Variants in PCDH15 observed in about 807,000 individuals in gnomAD.
PCDH15 encodes protocadherin related 15.
A neutral mutation model predicts 178.5 loss-of-function variants in PCDH15; 129 were observed. The ratio of observed to expected loss-of-function variants is 0.72; its 90% CI spans 0.63 to 0.84. The LOEUF (loss-of-function observed/expected upper bound fraction) is 0.84, where lower values mean the gene tolerates loss of function less well. Ranked by LOEUF, PCDH15 falls within the 40% of genes least tolerant of loss-of-function variation. The probability of loss-of-function intolerance (pLI) is 0.00; values close to 1 mark genes in which losing one functional copy is unlikely to be tolerated. For synonymous variants in PCDH15, 800 were observed against 732.0 expected (o/e 1.09, Z -1.50); for missense variants, 2,230 against 2,099.9 (o/e 1.06, Z -1.21).
At chr10:54,995,441 A>G (rs1216971205) in intron 2 of PCDH15, among the ~76,000 whole-genome samples, 1 of 152,026 alleles carries the variant, frequency 6.6e-6, no homozygotes, top group African/African-American at 2.4e-5. Flanking sequence ...AGAATATCAT[A>G]AAATCATCAT....
intron 2 of PCDH15, among the ~76,000 whole-genome samples, chr10:54,647,946 A>C (rs1283348038): frequency 1.3e-5 from 2 of 152,150 alleles, no homozygotes; most frequent in Non-Finnish European, 2.9e-5. Context: ...AATAAAAAAC[A>C]CTTGGTATCA....
chr10:54,445,420 T>C (rs2076086668), intron 3 of PCDH15, among the ~76,000 whole-genome samples: 1 of 151,584 alleles, frequency 6.6e-6, no homozygotes, highest in Non-Finnish European at 1.5e-5. Context: ...TTTCCACTTA[T>C]GAGCTTGCTA....
At chr10:54,158,444 C>A (rs2045378545) in intron 13 of PCDH15, among the ~76,000 whole-genome samples, 1 of 152,158 alleles carries the variant, frequency 6.6e-6, no homozygotes, top group Admixed American at 6.5e-5. Context: ...CCCACCAGAT[C>A]CCTCCCACAA....
At chr10:54,467,683 A>G (rs1402152107) in intron 3 of PCDH15, among the ~76,000 whole-genome samples, 1 of 148,086 alleles carries the variant, frequency 6.8e-6, no homozygotes, top group African/African-American at 2.5e-5. Context: ...CTGGCCTCAC[A>G]AAATAAATTG....
rs568190602 is a variant in PCDH15, at chr10:53,956,133, T to A, written c.3122+3599A>T. 1.5e-4 allele frequency among the ~76,000 whole-genome samples: 23 copies of A among 152,312 alleles called. No homozygotes were observed. The East Asian group carries it at 3.7e-3, about 24-fold the overall frequency. On this transcript the variant is annotated intron_variant, in intron 23 of 37. Coordinates refer to ENST00000644397, the MANE Select transcript of PCDH15 (RefSeq NM_001384140.1). ...TAGTTGTTGGAAACTAATAAAATGTTGAACAACTTATATTAGTTGAAACAA... is the reference window on the plus strand; with the variant it reads ...TAGTTGTTGGAAACTAATAAAATGTAGAACAACTTATATTAGTTGAAACAA...
intron 2 of PCDH15, among the ~76,000 whole-genome samples, chr10:55,554,862 T>C (rs1216525354): frequency 6.6e-6 from 1 of 152,094 alleles, no homozygotes; most frequent in Non-Finnish European, 1.5e-5. Flanking sequence ...TAAGCTCTTC[T>C]TGGCATTCCT....
intron 3 of PCDH15, among the ~76,000 whole-genome samples, chr10:54,389,415 T>C (rs1950274576): frequency 6.6e-6 from 1 of 152,172 alleles, no homozygotes; most frequent in Admixed American, 6.5e-5. Flanking sequence ...GAATTATAAC[T>C]TATGATTTAG....
At chr10:54,308,044 G>A (rs2060661347) in intron 8 of PCDH15, among the ~76,000 whole-genome samples, 1 of 151,978 alleles carries the variant, frequency 6.6e-6, no homozygotes, top group Admixed American at 6.6e-5. Flanking sequence ...TCATTTTGTG[G>A]ATGACAAGTT....
intron 1 of PCDH15, among the ~76,000 whole-genome samples, chr10:54,790,192 T>C (rs1265482972): frequency 6.6e-6 from 1 of 151,818 alleles, no homozygotes; most frequent in East Asian, 1.9e-4. Flanking sequence ...AGGCCAATTC[T>C]TTGCTTGAGT....
chr10:54,346,016 G>C (rs1588949666), intron 6 of PCDH15, among the ~76,000 whole-genome samples: 2 of 151,808 alleles, frequency 1.3e-5, no homozygotes, highest in South Asian at 4.2e-4. Context: ...CAACAATATT[G>C]GTATTAATTT....
At chr10:54,715,725 A>G (rs1264045075) in intron 1 of PCDH15, among the ~76,000 whole-genome samples, 2 of 152,056 alleles carry the variant, frequency 1.3e-5, no homozygotes, top group East Asian at 3.9e-4. Flanking sequence ...CGTCACACTC[A>G]GACATACCTC....
At chr10:54,654,317 G>A (rs1368741659) in intron 2 of PCDH15, among the ~76,000 whole-genome samples, 1 of 152,146 alleles carries the variant, frequency 6.6e-6, no homozygotes, top group Non-Finnish European at 1.5e-5. Context: ...AAAAATAAAT[G>A]AGAGTGGGGA....
intron 1 of PCDH15, among the ~76,000 whole-genome samples, chr10:54,721,248 C>A (rs1941548751): frequency 6.6e-6 from 1 of 151,702 alleles, no homozygotes; most frequent in African/African-American, 2.4e-5. Flanking sequence ...GTACTAAAGG[C>A]AAAGTTTATA....
At position 55,471,018 on chromosome 10, in the gene PCDH15, T is replaced by C. The variant is rs1260847595; in HGVS notation, c.-156+156607A>G. On this transcript the variant is annotated intron_variant, in intron 2 of 5. Transcript: ENST00000613346. The stretch of plus-strand genomic sequence containing the variant: ...CTAATTTGTTTTTAATGCTGAATAA[T>C]ATTCTGTTATATGGATATACCACAG... Among the ~76,000 whole-genome samples, 5 of 152,300 alleles carry C rather than the reference T, an allele frequency of 3.3e-5. No individual in the cohort carries two copies. In the East Asian group the frequency reaches 9.7e-4, roughly 29 times the overall value.
At chr10:55,484,205 G>C (rs1028829338) in intron 2 of PCDH15, among the ~76,000 whole-genome samples, 2 of 151,536 alleles carry the variant, frequency 1.3e-5, no homozygotes, top group African/African-American at 4.8e-5. Flanking sequence ...GTTAATACCT[G>C]GTTAGTAAGA....
chr10:55,613,110 C>A (rs185259077), intron 2 of PCDH15, among the ~76,000 whole-genome samples: 2 of 149,398 alleles, frequency 1.3e-5, no homozygotes. Context: ...TGCAAGCTCT[C>A]CCCAGATCTT....
intron 1 of PCDH15, among the ~76,000 whole-genome samples, chr10:54,745,050 T>C (rs1945276832): frequency 1.3e-5 from 2 of 152,140 alleles, no homozygotes; most frequent in Admixed American, 1.3e-4. Flanking sequence ...ATGACATGAA[T>C]TATATTTTGA....
At chr10:53,910,037 A>G (rs1184857642) in intron 25 of PCDH15, among the ~76,000 whole-genome samples, 1 of 152,192 alleles carries the variant, frequency 6.6e-6, no homozygotes, top group Non-Finnish European at 1.5e-5. Flanking sequence ...CCGCAGCTCA[A>G]CAAGGTCTGC....
chr10:54,985,789 G>C (rs918993608), intron 2 of PCDH15, among the ~76,000 whole-genome samples: 1 of 152,168 alleles, frequency 6.6e-6, no homozygotes, highest in African/African-American at 2.4e-5. Context: ...TTGAAGCATT[G>C]TAAGTCAGGG....
Sources: gnomAD v4.1 joint callset for allele counts (sites outside exome capture counted in the v4.1 genomes callset) on GRCh38, gnomAD v4.1.1 for gene constraint, MANE v1.5 for transcripts, NCBI Gene and HGNC (gene_info 2026-07-23, HGNC 2026-07-21) for gene names.